The following MINDY2 variants were observed in gnomAD, a reference collection of about 807,000 sequenced individuals.
MINDY2 encodes the protein ubiquitin carboxyl-terminal hydrolase MINDY-2.
In MINDY2, 52 loss-of-function variants were observed where a neutral mutation model predicts 68.2. The observed-to-expected ratio is 0.76, with a 90% CI of 0.61 to 0.96. The LOEUF is 0.96. Among genes scored for constraint, MINDY2 ranks in the 40% least tolerant of loss-of-function variants. The pLI is 0.00. For synonymous variants in MINDY2, 372 were observed against 303.0 expected, an observed-to-expected ratio of 1.23 and a Z score of -2.36; for missense variants, 881 against 773.4, an observed-to-expected ratio of 1.14 and a Z score of -1.65.
At chr15:58,802,571 C>T (rs1902739067) in intron 3 of MINDY2, among the ~76,000 whole-genome samples, 194 bp downstream of exon 3, 1 of 151,894 alleles carries the variant, frequency 6.6e-6, no homozygotes, top group African/African-American at 2.4e-5. Flanking sequence ...ATATGAAATC[C>T]ATTTTTAGCT....
rs79046137 is a variant in MINDY2 at position 58,847,665 on chromosome 15, A to G, written c.1542+195A>G. On this transcript the variant is annotated intron_variant, in intron 7 of 8. Transcript: ENST00000559228. ...ACTTTGGTGCAGAAGGCCAGATCATATTGAACTGTGAAGGTCATGGTGAGA... is the reference window on the plus strand; with the variant it reads ...ACTTTGGTGCAGAAGGCCAGATCATGTTGAACTGTGAAGGTCATGGTGAGA... Among the ~76,000 whole-genome samples, 23 of 152,374 alleles carry G rather than the reference A, an allele frequency of 1.5e-4. 1 individual carries two copies. The highest frequency in any genetic ancestry group is 5.3e-4 in the African/African-American group (22 of 41,588).
chr15:58,825,108 A>G (rs1158243284), intron 5 of MINDY2, among the ~76,000 whole-genome samples: 2 of 152,236 alleles, frequency 1.3e-5, no homozygotes, highest in Non-Finnish European at 2.9e-5. Context: ...TTATTAAAAA[A>G]TAAGTTTTGG....
intron 1 of MINDY2, among the ~76,000 whole-genome samples, chr15:58,781,207 G>A (rs1901120387): frequency 6.6e-6 from 1 of 152,006 alleles, no homozygotes; most frequent in Non-Finnish European, 1.5e-5. Flanking sequence ...CTGCCCCCAT[G>A]CCCAGCTAAT....
intron 6 of MINDY2, among the ~76,000 whole-genome samples, chr15:58,843,426 C>G: frequency 6.6e-6 from 1 of 152,292 alleles, no homozygotes; most frequent in East Asian, 1.9e-4. Flanking sequence ...GCTAGGATTA[C>G]AGGCGTGAGC....
chr15:58,804,468 C>T (rs904981060), intron 3 of MINDY2, among the ~76,000 whole-genome samples: 2 of 152,200 alleles, frequency 1.3e-5, no homozygotes, highest in Non-Finnish European at 1.5e-5. Context: ...ACTTTCGTTG[C>T]CTAATCCTGA....
intron 1 of MINDY2, among the ~76,000 whole-genome samples, chr15:58,785,545 AC>A (rs773200909): frequency 6.8e-6 from 1 of 147,528 alleles, no homozygotes; most frequent in African/African-American, 2.4e-5. Flanking sequence ...TTCCAAAAAA[AC>A]GTTTATTTAG....
chr15:58,791,243 A>ATATATATATATATATG (rs1567043791), intron 2 of MINDY2, among the ~76,000 whole-genome samples: 5 of 94,228 alleles, frequency 5.3e-5, no homozygotes, highest in Non-Finnish European at 1.1e-4. Flanking sequence ...ATATATATAT[A>ATATATATATATATATG]TATATATATA....
chr15:58,810,498 C>A, intron 4 of MINDY2, 110 bp downstream of exon 4: 1 of 1,124,098 alleles, frequency 8.9e-7, no homozygotes, highest in Non-Finnish European at 1.2e-6. Context: ...TGTACTTTTG[C>A]CTGGAATTAG....
chr15:58,803,454 A>G (rs573605303), intron 3 of MINDY2, among the ~76,000 whole-genome samples: 2 of 150,988 alleles, frequency 1.3e-5, no homozygotes, highest in Non-Finnish European at 1.5e-5. Context: ...GTGACAGAGC[A>G]AGACTCTGTC....
chr15:58,822,177 C>G (rs1159313630), intron 5 of MINDY2, among the ~76,000 whole-genome samples: 1 of 151,866 alleles, frequency 6.6e-6, no homozygotes, highest in Non-Finnish European at 1.5e-5. Context: ...TCGCTTGAAC[C>G]CAGGAGGTGG....
At chr15:58,791,041 G>T (rs1901854108) in intron 2 of MINDY2, among the ~76,000 whole-genome samples, 1 of 150,714 alleles carries the variant, frequency 6.6e-6, no homozygotes, top group South Asian at 2.1e-4. Flanking sequence ...TTAGCTGGGA[G>T]TGGTGGCGGG....
intron 4 of MINDY2, among the ~76,000 whole-genome samples, chr15:58,814,026 C>T (rs1440235924): frequency 1.3e-5 from 2 of 150,450 alleles, no homozygotes; most frequent in Non-Finnish European, 2.9e-5. Context: ...CAGCCTCCTG[C>T]TCCCAGGTTC....
chr15:58,792,605 CA>C (rs1217358248), intron 2 of MINDY2, among the ~76,000 whole-genome samples: 15 of 150,798 alleles, frequency 9.9e-5, no homozygotes, highest in African/African-American at 2.9e-4. Context: ...GACTCTGTCT[CA>C]GGGGGAAAAA....
intron 6 of MINDY2, among the ~76,000 whole-genome samples, chr15:58,837,946 A>AC (rs2032078213): frequency 7.3e-6 from 1 of 137,208 alleles, no homozygotes; most frequent in African/African-American, 2.7e-5. Context: ...TCCAACCTGG[A>AC]TGACAGAGTA....
intron 8 of MINDY2, 74 bp from the exon 9 acceptor site, chr15:58,854,408 T>A: frequency 6.6e-7 from 1 of 1,522,062 alleles, no homozygotes; most frequent in Non-Finnish European, 8.8e-7. Flanking sequence ...TGTTACAGTT[T>A]TCCTTTCTAG....
At chr15:58,784,748 T>C (rs1901373833) in intron 1 of MINDY2, among the ~76,000 whole-genome samples, 1 of 151,212 alleles carries the variant, frequency 6.6e-6, no homozygotes, top group Admixed American at 6.6e-5. Flanking sequence ...GCCTCCCAAA[T>C]AGCTGGAACT....
rs34909401 is a variant in MINDY2 at position 58,837,968 on chromosome 15, CAAAAAAAA to C, written c.1368+6067_1368+6074del. Among the ~76,000 whole-genome samples, 99 of 75,126 alleles carry C rather than the reference CAAAAAAAA, an allele frequency of 1.3e-3. 1 individual carries two copies. The highest frequency in any genetic ancestry group is 4.7e-3 in the South Asian group (10 of 2,114). The allele number at this position is 75,126 out of a possible 152,430, so 49.3% of individuals were successfully genotyped here. ...TGGATGACAGAGTAAGACCTTCTTT[CAAAAAAAA>C]AAAAAAAAAAAAAAGGAAAAATTAT... On this transcript the variant is annotated intron_variant, in intron 6 of 8. Coordinates refer to ENST00000559228, the MANE Select transcript of MINDY2 (RefSeq NM_001040450.3).
chr15:58,816,339 T>C (rs746181361), intron 4 of MINDY2, among the ~76,000 whole-genome samples: 11 of 152,338 alleles, frequency 7.2e-5, no homozygotes, highest in Non-Finnish European at 1.3e-4. Flanking sequence ...CCAGATAATT[T>C]AGATTGTGAA....
At chr15:58,814,844 G>C (rs1440304415) in intron 4 of MINDY2, among the ~76,000 whole-genome samples, 2 of 128,044 alleles carry the variant, frequency 1.6e-5, no homozygotes, top group Non-Finnish European at 3.2e-5. Context: ...TGACACGCTT[G>C]AACTCCCAGG....
Sources: gnomAD v4.1 joint callset for allele counts (sites outside exome capture counted in the v4.1 genomes callset) on GRCh38, gnomAD v4.1.1 for gene constraint, MANE v1.5 for transcripts, NCBI Gene and HGNC (gene_info 2026-07-23, HGNC 2026-07-21) for gene names.